CIITA: variants seen among roughly 807,000 people sequenced by gnomAD.
The protein encoded by CIITA is class II major histocompatibility complex transactivator, also known as MHC class II transactivator.
A neutral mutation model predicts 115.1 loss-of-function variants in CIITA; 72 were observed. The ratio of observed to expected loss-of-function variants is 0.63; its 90% CI spans 0.52 to 0.76. The LOEUF (loss-of-function observed/expected upper bound fraction) is 0.76, where lower values mean the gene tolerates loss of function less well. CIITA is among the 30% of genes least tolerant of loss of function. The pLI is 0.00. For missense variants in CIITA, 1,617 were observed against 1,463.8 expected, an observed-to-expected ratio of 1.10 and a Z score of -1.71; for synonymous variants, 763 against 635.6, an observed-to-expected ratio of 1.20 and a Z score of -3.02.
upstream of CIITA, among the ~76,000 whole-genome samples, chr16:10,875,697 G>T (rs1365085028): frequency 6.6e-6 from 1 of 151,920 alleles, no homozygotes; most frequent in Non-Finnish European, 1.5e-5. Flanking sequence ...GGAGAGGCAG[G>T]ATCTCACTCT....
chr16:10,886,334 C>T (rs890434233), intron 1 of CIITA, among the ~76,000 whole-genome samples: 1 of 152,140 alleles, frequency 6.6e-6, no homozygotes, highest in Non-Finnish European at 1.5e-5. Context: ...GGACATTGTT[C>T]TCTATGGAGT....
Position 10,923,125 on chromosome 16 carries a change from G to A in CIITA, c.3318-103G>A, listed in dbSNP as rs1470931461. The A allele has an allele frequency of 4.7e-5, 47 of 1,000,390 alleles. No homozygotes were observed. Among genetic ancestry groups the A allele is most frequent in the Admixed American group, 1.4e-4 (8 of 59,120 alleles). 62.0% of individuals were successfully genotyped at this position (1,000,390 alleles called of 1,614,324 possible). On this transcript the variant is annotated intron_variant, in intron 18 of 19. Transcript: ENST00000324288. The surrounding 1 kb of genome is among the most constrained non-coding windows in gnomAD (Gnocchi z 5.2). ...TCTTGCCAGGGGAAAAGTCCCCAAC[G>A]TTCTAGGCTGGGTGGAAGGAGGGAT...
In CIITA at chr16:10,920,305, T is replaced by C. The variant is rs1028570749; in HGVS notation, c.3149+1779T>C. ...CTTTATTGCCCAGGCTAAGGTGCAG[T>C]GGCATGATCTCAGCTCACTGCAAGC... On this transcript the variant is annotated intron_variant, in intron 16 of 19. Transcript: ENST00000324288. This position sits in a 1 kb window ranked among gnomAD's most constrained non-coding sequence, Gnocchi z 4.5. 1.3e-5 allele frequency among the ~76,000 whole-genome samples: 2 copies of C among 152,238 alleles called. No homozygotes were observed. The highest frequency in any genetic ancestry group is 3.8e-4 in the East Asian group (2 of 5,208).
intron 1 of CIITA, among the ~76,000 whole-genome samples, chr16:10,878,311 A>G (rs2036043405): frequency 1.3e-5 from 2 of 152,242 alleles, no homozygotes; most frequent in Non-Finnish European, 2.9e-5. Flanking sequence ...GAGGGGGAGA[A>G]GTCAGAGGTA....
At chr16:10,909,295 GACAC>G in intron 12 of CIITA, 108 bp downstream of exon 12, 4 of 1,162,164 alleles carry the variant, frequency 3.4e-6, no homozygotes, top group Non-Finnish European at 5.1e-6. Context: ...TGTCCTCTGG[GACAC>G]CCCATGCCCT....
chr16:10,902,884 C>T (rs540159423), intron 8 of CIITA, 83 bp downstream of exon 8: 19 of 1,535,294 alleles, frequency 1.2e-5, no homozygotes, highest in Admixed American at 1.7e-5. Flanking sequence ...ACTCCATGCA[C>T]TTGGCAGTGG....
At chr16:10,913,572 C>A in intron 13 of CIITA, 1 of 152,230 alleles carries the variant, frequency 6.6e-6, no homozygotes, top group Non-Finnish European at 1.5e-5. Context: ...CCTCGGCCTC[C>A]CAAAGTGCTG....
At chr16:10,913,665 C>T (rs1177582096) in intron 13 of CIITA, among the ~76,000 whole-genome samples, 3 of 150,822 alleles carry the variant, frequency 2.0e-5, no homozygotes, top group Non-Finnish European at 4.4e-5. Context: ...TCTGGCCAGG[C>T]GCAGTGGCTT....
At chr16:10,938,437 C>A (rs1449631956), downstream of CIITA, 1 of 152,010 alleles carries the variant, frequency 6.6e-6, no homozygotes, top group African/African-American at 2.4e-5. This position sits in a 1 kb window ranked among gnomAD's most constrained non-coding sequence, Gnocchi z 4.9. Context: ...CTGGGCCCCA[C>A]TGTGTGACAT....
intron 1 of CIITA, among the ~76,000 whole-genome samples, chr16:10,869,424 T>C (rs532604196): frequency 6.6e-6 from 1 of 152,270 alleles, no homozygotes; most frequent in African/African-American, 2.4e-5. Flanking sequence ...TTCTATTCTT[T>C]GCACCTTATC....
Position 10,933,476 on chromosome 16 carries a change from G to C in CIITA, c.*9621G>C, listed in dbSNP as rs1278780404. ...CATTTAGCCTGTCTGTGCTGATTGTGGTTCTGCCCCTTCCTGGCTGTGTGA... is the reference window on the plus strand; with the variant it reads ...CATTTAGCCTGTCTGTGCTGATTGTCGTTCTGCCCCTTCCTGGCTGTGTGA... On this transcript the variant is annotated 3_prime_UTR_variant, in exon 20 of 20. Coordinates refer to ENST00000324288, the MANE Select transcript of CIITA (RefSeq NM_000246.4). 6.6e-6 allele frequency: 1 copy of C among 152,274 alleles called. No individual in the cohort carries two copies. The highest frequency in any genetic ancestry group is 1.5e-5 in the Non-Finnish European group (1 of 68,086). The allele number at this position is 152,274 out of a possible 1,614,324, so 9.4% of individuals were successfully genotyped here. A position where few individuals can be genotyped will look rare whatever the true frequency, so the allele number is the denominator to read the frequency against.
rs763127930 is a variant in CIITA, at chr16:10,915,577, C to T, written c.2896C>T (p.Pro966Ser). 1 of 1,614,068 alleles carries T rather than the reference C, an allele frequency of 6.2e-7. No individual in the cohort carries two copies. ...DLKKLEFALG[P>S]VSGPQAFPKL... ...TTGCTCTTTGCCTCCTAGGCTGGGCCCTGTCTCAGGCCCCCAGGCTTTCCC... is the reference window on the plus strand; with the variant it reads ...TTGCTCTTTGCCTCCTAGGCTGGGCTCTGTCTCAGGCCCCCAGGCTTTCCC... Residue 966 changes from proline to serine, a missense_variant, in exon 14 of 20, where the codon CCT becomes TCT. Pro to Ser is a moderately conservative substitution (Grantham distance 74, BLOSUM62 -1). Coordinates refer to ENST00000324288, the MANE Select transcript of CIITA (RefSeq NM_000246.4).
upstream of CIITA, among the ~76,000 whole-genome samples, chr16:10,872,674 T>C (rs945403395): frequency 1.3e-5 from 2 of 152,242 alleles, no homozygotes; most frequent in African/African-American, 4.8e-5. Flanking sequence ...CCCTCCCTAA[T>C]TTGGATACAT....
intron 1 of CIITA, among the ~76,000 whole-genome samples, chr16:10,867,318 TGTGTTGGG>T (rs1165900921): frequency 1.0e-5 from 1 of 96,058 alleles, no homozygotes; most frequent in Admixed American, 8.7e-5. Context: ...GCCCACTGTG[TGTGTTGGG>T]GGGGGGCATG....
rs1318100722 is a variant in CIITA, at chr16:10,941,492, T to C, written n.618T>C. 5.2e-6 allele frequency: 7 copies of C among 1,335,216 alleles called. No individual in the cohort carries two copies. Among genetic ancestry groups the C allele is most frequent in the Admixed American group, 6.5e-5 (2 of 30,854 alleles). 82.7% of individuals were successfully genotyped at this position (1,335,216 alleles called of 1,614,324 possible). The stretch of plus-strand genomic sequence containing the variant: ...AGGAGAAGCCTGAGGGAGGGGTGTG[T>C]ATCCGGCCTGGGAATTCCTCCCTCT... On this transcript the variant is annotated non_coding_transcript_exon_variant, in exon 2 of 2. Transcript: ENST00000573379. This position sits in a 1 kb window ranked among gnomAD's most constrained non-coding sequence, Gnocchi z 6.4.
intron 1 of CIITA, chr16:10,866,476 G>A (rs1366856874): frequency 5.3e-6 from 3 of 563,304 alleles, no homozygotes; most frequent in African/African-American, 3.7e-5. Context: ...GACCCTACTA[G>A]AGAAAGGAGA....
rs1304965700 is a variant in CIITA, at chr16:10,903,792, A to G, written c.834A>G (p.Pro278=). The part of the protein sequence containing the change: ...PPSGFTVHGL[P]TSPDRPGSTS... ...GTGGATTCACTGTCCACGGCCTCCC[A>G]ACATCTCCAGACCGGCCAGGCTCCA... Residue 278 remains proline, a synonymous_variant, in exon 9 of 20, where the codon CCA becomes CCG. Transcript: ENST00000324288. The G allele has an allele frequency of 1.7e-5, 27 of 1,613,960 alleles. No individual in the cohort carries two copies. The highest frequency in any genetic ancestry group is 2.3e-5 in the Non-Finnish European group (27 of 1,180,022).
chr16:10,907,147 G>A lies in CIITA; in HGVS notation c.1655G>A (p.Arg552His), dbSNP rs1285021000. 2 of 1,612,066 alleles carry A rather than the reference G, an allele frequency of 1.2e-6. No individual in the cohort carries two copies. The highest frequency in any genetic ancestry group is 1.7e-6 in the Non-Finnish European group (2 of 1,179,658). Residue 552 changes from arginine (R) to histidine (H), a missense_variant, in exon 11 of 20, where the codon CGC becomes CAC. Transcript: ENST00000324288. The surrounding 1 kb of genome is among the most constrained non-coding windows in gnomAD (Gnocchi z 5.0). ...TLLLTARPRG[R>H]LVQSLSKADA... ...CTCCTCACAGCCCGGCCCCGGGGCC[G>A]CCTGGTCCAGAGCCTGAGCAAGGCC...
chr16:10,885,990 G>T (rs546406662), intron 1 of CIITA, among the ~76,000 whole-genome samples: 15 of 151,334 alleles, frequency 9.9e-5, no homozygotes, highest in African/African-American at 3.6e-4. Flanking sequence ...CCCATACTGG[G>T]TGCCCATTCT....
Sources: gnomAD v4.1 joint callset for allele counts (sites outside exome capture counted in the v4.1 genomes callset) on GRCh38, gnomAD v4.1.1 for gene constraint, Gnocchi (gnomAD v3.1) non-coding constraint, MANE v1.5 for transcripts, NCBI Gene and HGNC (gene_info 2026-07-23, HGNC 2026-07-21) for gene names.